FOSL1: variants seen among roughly 807,000 people sequenced by gnomAD.
The protein encoded by FOSL1 is FOS like 1, AP-1 transcription factor subunit.
FOSL1 carries 14 observed loss-of-function variants against 24.9 expected under a neutral mutation model. The observed-to-expected ratio is 0.56, with a 90% CI of 0.37 to 0.88. The LOEUF (loss-of-function observed/expected upper bound fraction) is 0.88. FOSL1 is among the 40% of genes least tolerant of loss of function. The pLI is 0.00. For synonymous variants in FOSL1, 133 were observed against 145.1 expected, an observed-to-expected ratio of 0.92 and a Z score of 0.60; for missense variants, 318 against 359.8, an observed-to-expected ratio of 0.88 and a Z score of 0.94.
chr11:65,898,621 T>G (rs1480151805), intron 1 of FOSL1, among the ~76,000 whole-genome samples: 1 of 152,216 alleles, frequency 6.6e-6, no homozygotes, highest in East Asian at 1.9e-4. Flanking sequence ...TTCACTGATG[T>G]TAAGAAGTAC....
chr11:65,898,288 G>A (rs1027676639), intron 1 of FOSL1, among the ~76,000 whole-genome samples: 14 of 152,050 alleles, frequency 9.2e-5, no homozygotes, highest in Non-Finnish European at 1.8e-4. Context: ...TGATCCACCC[G>A]CCTTGGCCTC....
chr11:65,896,477 G>A (rs145383050), intron 2 of FOSL1, among the ~76,000 whole-genome samples: 5 of 152,126 alleles, frequency 3.3e-5, no homozygotes, highest in East Asian at 1.9e-4. Flanking sequence ...TTCCGTGTGC[G>A]CACCTTACAT....
At position 65,894,058 on chromosome 11, in the gene FOSL1, T is replaced by G; in HGVS notation, c.361A>C (p.Lys121Gln). The G allele has an allele frequency of 6.2e-7, 1 of 1,611,458 alleles. No homozygotes were observed. Among genetic ancestry groups the G allele is most frequent in the South Asian group, 1.1e-5 (1 of 90,500 alleles). The change falls in exon 3 of 4, where the codon AAG becomes CAG. Residue 121 changes from lysine (K) to glutamine (Q), a missense_variant. Lys to Gln is a moderately conservative substitution (Grantham distance 53). Transcript: ENST00000312562. Reference protein sequence around the residue: ...RRERNKLAAAKCRNRRKELTD... With the variant: ...RRERNKLAAAQCRNRRKELTD... ...AGTTCCTTCCTCCGGTTCCTGCACT[T>G]GGCCGCAGCCAGCTTGTTCCGCTCG...
At chr11:65,896,735 T>A (rs1860534927) in intron 2 of FOSL1, 74 bp downstream of exon 2, 1 of 1,287,194 alleles carries the variant, frequency 7.8e-7, no homozygotes, top group Non-Finnish European at 1.1e-6. Context: ...GTGCTCTCCT[T>A]TCTGGCAGGA....
rs767546804 is a variant in FOSL1, at chr11:65,893,257, G to C, written c.445C>G (p.Arg149Gly). The change falls in exon 4 of 4, where the codon CGA (arginine) becomes GGA (glycine). Residue 149 changes from arginine to glycine, a missense_variant. Coordinates refer to ENST00000312562, the MANE Select transcript of FOSL1 (RefSeq NM_005438.5). ...KLEDEKSGLQ[R>G]EIEELQKQKE... The stretch of plus-strand genomic sequence containing the variant: ...TGCTTCTGCAGCTCCTCAATCTCTC[G>C]CTGCAGCCCAGATTTCTCATCTTCC... 6.2e-7 allele frequency: 1 copy of C among 1,612,878 alleles called. No individual in the cohort carries two copies. Among genetic ancestry groups the C allele is most frequent in the Non-Finnish European group, 8.5e-7 (1 of 1,179,446 alleles).
At chr11:65,898,448 G>T (rs1860586997) in intron 1 of FOSL1, among the ~76,000 whole-genome samples, 1 of 152,158 alleles carries the variant, frequency 6.6e-6, no homozygotes, top group Non-Finnish European at 1.5e-5. Flanking sequence ...GCCTCCCAAA[G>T]TGTTGAGATG....
In FOSL1 at chr11:65,896,803, C is replaced by A; in HGVS notation, c.297+6G>T. 1 of 1,599,148 alleles carries A rather than the reference C, an allele frequency of 6.3e-7. No homozygotes were observed. The highest frequency in any genetic ancestry group is 8.5e-7 in the Non-Finnish European group (1 of 1,171,506). On this transcript the variant is annotated splice_donor_region_variant and intron_variant, in intron 2 of 3. Transcript: ENST00000312562. ...TCGGAACCACTGCAATGCCTCTGTGCCTTACCTGTTCACAAGGCCTTCGAC... is the reference window on the plus strand; with the variant it reads ...TCGGAACCACTGCAATGCCTCTGTGACTTACCTGTTCACAAGGCCTTCGAC...
chr11:65,892,831 AAGGGGAGG>A lies in FOSL1; in HGVS notation c.*47_*54del. 1 of 1,556,984 alleles carries A rather than the reference AAGGGGAGG, an allele frequency of 6.4e-7. No individual in the cohort carries two copies. Among genetic ancestry groups the A allele is most frequent in the Non-Finnish European group, 8.7e-7 (1 of 1,143,600 alleles). On this transcript the variant is annotated 3_prime_UTR_variant, in exon 4 of 4. Coordinates refer to ENST00000312562, the MANE Select transcript of FOSL1 (RefSeq NM_005438.5). ...TCCAGGCCAGCTGGACCGGTGGGGGAAGGGGAGGAGACATTGGCTAGGGTGGCATCTGC... is the reference window on the plus strand; with the variant it reads ...TCCAGGCCAGCTGGACCGGTGGGGGAAGACATTGGCTAGGGTGGCATCTGC...
At chr11:65,895,357 C>T (rs889070431) in intron 2 of FOSL1, among the ~76,000 whole-genome samples, 4 of 152,052 alleles carry the variant, frequency 2.6e-5, no homozygotes, top group East Asian at 1.9e-4. Flanking sequence ...ATCTCCTGAC[C>T]TCATGATCCA....
At chr11:65,896,109 T>G (rs1227405596) in intron 2 of FOSL1, among the ~76,000 whole-genome samples, 6 of 152,076 alleles carry the variant, frequency 3.9e-5, no homozygotes, top group Admixed American at 6.5e-5. Context: ...CAAGTGATCC[T>G]CCTGCCTAGG....
intron 1 of FOSL1, among the ~76,000 whole-genome samples, chr11:65,897,402 C>G (rs1262588052): frequency 6.7e-6 from 1 of 149,780 alleles, no homozygotes; most frequent in African/African-American, 2.5e-5. Context: ...TGTAGTGGCA[C>G]GATCTCAGCT....
intron 2 of FOSL1, among the ~76,000 whole-genome samples, chr11:65,895,452 A>G (rs971521829): frequency 2.0e-5 from 3 of 152,152 alleles, no homozygotes; most frequent in African/African-American, 7.2e-5. Flanking sequence ...GCAACTTTCC[A>G]TGAAAAACTG....
At position 65,898,043 on chromosome 11, in the gene FOSL1, C is replaced by CCGTTTTTTTTTTTTTTTTTTTTTTTTTT. The variant is rs1416098633; in HGVS notation, c.100-1038_100-1037insAAAAAAAAAAAAAAAAAAAAAAAAAACG. Among the ~76,000 whole-genome samples the CCGTTTTTTTTTTTTTTTTTTTTTTTTTT allele has an allele frequency of 2.5e-5, 2 of 79,672 alleles. 1 individual carries two copies. 52.3% of individuals were successfully genotyped at this position (79,672 alleles called of 152,430 possible). A position where few individuals can be genotyped will look rare whatever the true frequency, so the allele number is the denominator to read the frequency against. ...ATTTGGCTAATTTTTTTTTTCTTTTCTGTTTTTTTTTTTTTGAGACACAGT... is the reference window on the plus strand; with the variant it reads ...ATTTGGCTAATTTTTTTTTTCTTTTCCGTTTTTTTTTTTTTTTTTTTTTTTTTTTGTTTTTTTTTTTTTGAGACACAGT... On this transcript the variant is annotated intron_variant, in intron 1 of 3. Transcript: ENST00000312562.
At chr11:65,899,516 C>A (rs1447265836) in intron 1 of FOSL1, among the ~76,000 whole-genome samples, 3 of 152,234 alleles carry the variant, frequency 2.0e-5, no homozygotes, top group Admixed American at 6.5e-5. Flanking sequence ...TGCCCCCCGG[C>A]GGGCAGCGGG....
intron 2 of FOSL1, 45 bp from the exon 3 acceptor site, chr11:65,894,166 G>T (rs961987960): frequency 1.4e-6 from 2 of 1,430,568 alleles, no homozygotes; most frequent in East Asian, 2.4e-5. Flanking sequence ...GCTACTGGCT[G>T]CCTGGAACTC....
rs751098714 is a variant in FOSL1 at position 65,892,717 on chromosome 11, C to T, written c.*169G>A. On this transcript the variant is annotated 3_prime_UTR_variant, in exon 4 of 4. Coordinates refer to ENST00000312562, the MANE Select transcript of FOSL1 (RefSeq NM_005438.5). ...GAGAAACAGTGGGCAGCTTTGGTGG[C>T]CCCAAGCTGGCTCTACTGTGAAGCA... The T allele has an allele frequency of 3.8e-5, 28 of 732,832 alleles. No individual in the cohort carries two copies. Among genetic ancestry groups the T allele is most frequent in the Non-Finnish European group, 5.5e-5 (23 of 416,218 alleles). 45.4% of individuals were successfully genotyped at this position (732,832 alleles called of 1,614,324 possible).
Position 65,896,938 on chromosome 11 carries a change from A to C in FOSL1, c.168T>G (p.Pro56=). ...GGTAACTGCTGGGCCCCAGGAAATG[A>C]GGCTGTACCATCCACTGCAGCTCCT... is the stretch of plus-strand genomic sequence containing the variant. ...GSQELQWMVQ[P]HFLGPSSYPR... The change falls in exon 2 of 4, where the codon CCT becomes CCG. Residue 56 remains proline, a synonymous_variant. Coordinates refer to ENST00000312562, the MANE Select transcript of FOSL1 (RefSeq NM_005438.5). The C allele has an allele frequency of 6.2e-7, 1 of 1,614,076 alleles. No homozygotes were observed. Among genetic ancestry groups the C allele is most frequent in the Non-Finnish European group, 8.5e-7 (1 of 1,179,938 alleles).
At chr11:65,899,983 C>A (rs1360784228) in intron 1 of FOSL1, among the ~76,000 whole-genome samples, 1 of 152,188 alleles carries the variant, frequency 6.6e-6, no homozygotes, top group Admixed American at 6.5e-5. Flanking sequence ...GGAGAGAAAG[C>A]GGGCACGGAG....
At chr11:65,896,737 C>T in intron 2 of FOSL1, 72 bp downstream of exon 2, 2 of 1,293,322 alleles carry the variant, frequency 1.5e-6, no homozygotes, top group South Asian at 2.9e-5. Context: ...GCTCTCCTTT[C>T]TGGCAGGAGC....
Sources: gnomAD v4.1 joint callset for allele counts (sites outside exome capture counted in the v4.1 genomes callset) on GRCh38, gnomAD v4.1.1 for gene constraint, MANE v1.5 for transcripts, NCBI Gene and HGNC (gene_info 2026-07-23, HGNC 2026-07-21) for gene names.